TAOK3: variants seen among roughly 807,000 people sequenced by gnomAD.
TAOK3 encodes the protein TAO kinase 3.
In TAOK3, 40 loss-of-function variants were observed where a neutral mutation model predicts 120.4. That is an observed-to-expected ratio of 0.33 (90% CI 0.26 to 0.43). The LOEUF is 0.43. TAOK3 is among the 20% of genes least tolerant of loss of function. The pLI is 1.00. For synonymous variants in TAOK3, 355 were observed against 387.5 expected, an observed-to-expected ratio of 0.92 and a Z score of 0.99; for missense variants, 821 against 1,112.1, an observed-to-expected ratio of 0.74 and a Z score of 3.72.
chr12:118,243,538 C>T (rs769829138), intron 4 of TAOK3, 22 bp from the exon 5 acceptor site: 9 of 1,074,498 alleles, frequency 8.4e-6, no homozygotes, highest in South Asian at 3.5e-5. Flanking sequence ...AGAAAAGGAA[C>T]ATTTTAATTT....
intron 1 of TAOK3, among the ~76,000 whole-genome samples, chr12:118,340,879 G>A (rs2044588078): frequency 6.6e-6 from 1 of 151,950 alleles, no homozygotes; most frequent in Admixed American, 6.6e-5. Flanking sequence ...GGTAGTCAAG[G>A]CTGCAGTGAG....
intron 9 of TAOK3, 92 bp downstream of exon 9, chr12:118,233,582 C>T: frequency 3.0e-6 from 3 of 1,002,068 alleles, no homozygotes; most frequent in Non-Finnish European, 4.6e-6. Context: ...TGAATAACTC[C>T]TAATCATTAT....
At chr12:118,232,280 T>C (rs1565985981) in intron 9 of TAOK3, among the ~76,000 whole-genome samples, 1 of 152,236 alleles carries the variant, frequency 6.6e-6, no homozygotes, top group African/African-American at 2.4e-5. Flanking sequence ...AGAGATTCTG[T>C]GGCACTTTAG....
intron 16 of TAOK3, among the ~76,000 whole-genome samples, chr12:118,176,687 GATAAAAAA>G (rs1469518728): frequency 6.6e-6 from 1 of 151,120 alleles, no homozygotes; most frequent in Non-Finnish European, 1.5e-5. Context: ...AAATCAGTCA[GATAAAAAA>G]ATAAATAAAT....
rs1314874895 is a variant in TAOK3 at position 118,244,873 on chromosome 12, A to G, written c.192+21T>C. 4 of 1,568,502 alleles carry G rather than the reference A, an allele frequency of 2.6e-6. No individual in the cohort carries two copies. In the Admixed American group the frequency reaches 5.0e-5, roughly 20 times the overall value. Reference sequence around the variant, plus strand: ...CTAACTTGTTTATTTCAGTTTAGGTATACAACTGTCTCTATCTCACCTCAT... The same window carrying G: ...CTAACTTGTTTATTTCAGTTTAGGTGTACAACTGTCTCTATCTCACCTCAT... On this transcript the variant is annotated intron_variant, in intron 4 of 20. Coordinates refer to ENST00000392533, the MANE Select transcript of TAOK3 (RefSeq NM_016281.4).
rs1472970028 is a variant in TAOK3 at position 118,255,573 on chromosome 12, C to T, written c.-6G>A. ...TTCAGCACCCCTTTACGCATGATGG[C>T]CAGTAGAGCAGGCTCTGCTTTTTGA... On this transcript the variant is annotated 5_prime_UTR_variant, in exon 3 of 21. Transcript: ENST00000392533. The T allele has an allele frequency of 2.5e-6, 4 of 1,605,926 alleles. No individual in the cohort carries two copies. The highest frequency in any genetic ancestry group is 3.4e-6 in the Non-Finnish European group (4 of 1,176,458).
chr12:118,201,638 A>G (rs2038030698), intron 11 of TAOK3, among the ~76,000 whole-genome samples, 175 bp from the exon 12 acceptor site: 2 of 152,198 alleles, frequency 1.3e-5, no homozygotes, highest in South Asian at 4.1e-4. Context: ...TCATAAAGAG[A>G]TAGCTATGCT....
intron 1 of TAOK3, among the ~76,000 whole-genome samples, chr12:118,315,942 T>C (rs1033195777): frequency 1.3e-5 from 2 of 152,104 alleles, no homozygotes; most frequent in South Asian, 2.1e-4. Context: ...TGTGAGGTAA[T>C]GGTATGGACT....
Position 118,196,954 on chromosome 12 carries a change from A to T in TAOK3, c.1194+2097T>A, listed in dbSNP as rs568818760. 4.8e-4 allele frequency among the ~76,000 whole-genome samples: 73 copies of T among 152,350 alleles called. 1 individual carries two copies. The highest frequency in any genetic ancestry group is 6.8e-3 in the Middle Eastern group (2 of 292). On this transcript the variant is annotated intron_variant, in intron 13 of 20. Transcript: ENST00000392533. ...GTTTCCTCATTCCTAAGTTTAATAT[A>T]CAAAATTTTCTGTTGAGAGTTAAAA...
intron 1 of TAOK3, among the ~76,000 whole-genome samples, chr12:118,325,882 G>A (rs1433041165): frequency 1.3e-5 from 2 of 152,092 alleles, no homozygotes; most frequent in Non-Finnish European, 2.9e-5. Context: ...GTTTCACTAT[G>A]CTGGCTAGGC....
intron 1 of TAOK3, among the ~76,000 whole-genome samples, chr12:118,310,953 A>C (rs142942203): frequency 6.6e-6 from 1 of 152,328 alleles, no homozygotes; most frequent in South Asian, 2.1e-4. Flanking sequence ...ATTTTAATCT[A>C]TATCCACAAA....
intron 1 of TAOK3, among the ~76,000 whole-genome samples, chr12:118,327,516 T>C (rs1455396369): frequency 1.3e-5 from 2 of 152,218 alleles, no homozygotes; most frequent in Non-Finnish European, 2.9e-5. Context: ...TTCTTATAAA[T>C]GCTATGTGTA....
intron 1 of TAOK3, among the ~76,000 whole-genome samples, chr12:118,322,912 A>G (rs2043783309): frequency 6.6e-6 from 1 of 151,632 alleles, no homozygotes; most frequent in African/African-American, 2.4e-5. Flanking sequence ...GGGTTTCACC[A>G]TGTTGGCCAG....
chr12:118,342,955 AAAAGAG>A (rs1342189390), intron 1 of TAOK3, among the ~76,000 whole-genome samples: 19 of 141,302 alleles, frequency 1.3e-4, no homozygotes, highest in East Asian at 5.9e-4. Flanking sequence ...AAAAAAAAAA[AAAAGAG>A]AGAGAGAGAG....
chr12:118,368,295 C>T (rs943539017), intron 1 of TAOK3, among the ~76,000 whole-genome samples: 2 of 152,028 alleles, frequency 1.3e-5, no homozygotes, highest in African/African-American at 4.8e-5. Context: ...CTCCCGGATT[C>T]GAGCGATTCT....
In TAOK3 at chr12:118,244,957, A is replaced by C; in HGVS notation, c.129T>G (p.Asn43Lys). Residue 43 changes from asparagine (N) to lysine (K), a missense_variant, in exon 4 of 21, where the codon AAT becomes AAG. Asn to Lys is a moderately conservative substitution (Grantham distance 94, BLOSUM62 0). This residue lies in a region of TAOK3 where 467 missense variants were observed against 540.0 expected (regional missense o/e 0.86). Transcript: ENST00000392533. ...TTGCCACCACCTCACTGGTGTGAGC[A>C]TTTGTAGCCTGTGTTAAGAGGGTAG... ...GSFGAVYFAT[N>K]AHTSEVVAIK... The C allele has an allele frequency of 6.2e-7, 1 of 1,607,138 alleles. No homozygotes were observed. Among genetic ancestry groups the C allele is most frequent in the East Asian group, 2.2e-5 (1 of 44,768 alleles).
chr12:118,349,355 GC>G (rs2045032390), intron 1 of TAOK3, among the ~76,000 whole-genome samples: 1 of 152,116 alleles, frequency 6.6e-6, no homozygotes, highest in Non-Finnish European at 1.5e-5. Flanking sequence ...AGTAGAAGCA[GC>G]CAAAATATCC....
chr12:118,240,254 A>G lies in TAOK3; in HGVS notation c.295-982T>C, dbSNP rs2040191123. ...GAGTGCAATGGCACGATCTTGGCTC[A>G]CTGCAACCTCTACCTCCTGGGTTCA... On this transcript the variant is annotated intron_variant, in intron 5 of 20. Transcript: ENST00000392533. Among the ~76,000 whole-genome samples the G allele has an allele frequency of 7.0e-5, 10 of 143,008 alleles. 1 individual carries two copies. The Admixed American group carries it at 7.6e-4, about 11-fold the overall frequency. The allele number at this position is 143,008 out of a possible 152,430, so 93.8% of individuals were successfully genotyped here.
intron 16 of TAOK3, among the ~76,000 whole-genome samples, chr12:118,174,207 G>A (rs1011983215): frequency 6.6e-6 from 1 of 152,060 alleles, no homozygotes; most frequent in Non-Finnish European, 1.5e-5. Flanking sequence ...ATCAAAAGTG[G>A]TGATAATGAA....
Sources: allele counts gnomAD v4.1 joint callset (sites outside exome capture counted in the v4.1 genomes callset), GRCh38; gene constraint gnomAD v4.1.1; regional missense constraint gnomAD v4.1.1; transcripts MANE v1.5; gene names NCBI Gene and HGNC (gene_info 2026-07-23, HGNC 2026-07-21).